SLC24A3: variants seen among roughly 807,000 people sequenced by gnomAD.
SLC24A3 encodes the protein solute carrier family 24 member 3.
SLC24A3 carries 28 observed loss-of-function variants against 75.8 expected under a neutral mutation model. The observed-to-expected ratio is 0.37, with a 90% CI of 0.27 to 0.51. The LOEUF (loss-of-function observed/expected upper bound fraction) is 0.51, where lower values mean the gene tolerates loss of function less well. Among genes scored for constraint, SLC24A3 ranks in the 20% least tolerant of loss-of-function variants. SLC24A3 has a pLI of 0.94. For missense variants in SLC24A3, 663 were observed against 847.8 expected (o/e 0.78, Z 2.71); for synonymous variants, 372 against 334.1 (o/e 1.11, Z -1.24).
chr20:19,621,108 A>C (rs545183119), intron 6 of SLC24A3, among the ~76,000 whole-genome samples: 91 of 152,308 alleles, frequency 6.0e-4, no homozygotes, highest in African/African-American at 2.1e-3. Context: ...CAGGTAACAA[A>C]AGGAGGCAAA....
At chr20:19,235,307 G>C (rs1982132669) in intron 1 of SLC24A3, among the ~76,000 whole-genome samples, 1 of 152,210 alleles carries the variant, frequency 6.6e-6, no homozygotes, top group Non-Finnish European at 1.5e-5. Context: ...GAAGTAAGGT[G>C]AGGTAGGGTG....
chr20:19,647,744 G>T (rs1600320073), intron 6 of SLC24A3, among the ~76,000 whole-genome samples: 1 of 152,212 alleles, frequency 6.6e-6, no homozygotes, highest in Admixed American at 6.5e-5. Flanking sequence ...AGGTCATTAT[G>T]AGCATCCGTG....
chr20:19,531,793 G>A (rs761684572), intron 3 of SLC24A3, among the ~76,000 whole-genome samples: 1 of 152,188 alleles, frequency 6.6e-6, no homozygotes, highest in East Asian at 1.9e-4. Context: ...AGACCACAGC[G>A]AAAAGTGAAA....
chr20:19,545,198 G>A (rs990804272), intron 3 of SLC24A3, among the ~76,000 whole-genome samples: 4 of 152,200 alleles, frequency 2.6e-5, no homozygotes, highest in African/African-American at 4.8e-5. Context: ...CACAGTGTGG[G>A]TGAGAAGGCA....
intron 6 of SLC24A3, among the ~76,000 whole-genome samples, chr20:19,645,417 C>CA (rs1331916150): frequency 1.3e-5 from 2 of 152,092 alleles, no homozygotes; most frequent in African/African-American, 2.4e-5. Context: ...TCCTGCAAGG[C>CA]TCAGCTATAT....
intron 1 of SLC24A3, among the ~76,000 whole-genome samples, chr20:19,278,793 G>A (rs1422388701): frequency 6.6e-6 from 1 of 152,140 alleles, no homozygotes; most frequent in African/African-American, 2.4e-5. Context: ...AACCTGGGGG[G>A]CTCTCCTGGA....
chr20:19,491,807 G>A (rs1285134250), intron 2 of SLC24A3, among the ~76,000 whole-genome samples: 1 of 152,206 alleles, frequency 6.6e-6, no homozygotes, highest in African/African-American at 2.4e-5. Flanking sequence ...GCCCGGGAAG[G>A]CTTCATCTTA....
intron 2 of SLC24A3, among the ~76,000 whole-genome samples, chr20:19,414,584 C>T (rs749003276): frequency 6.6e-6 from 1 of 152,058 alleles, no homozygotes; most frequent in Non-Finnish European, 1.5e-5. Flanking sequence ...TTTTCAAAAC[C>T]GTAAAGAGAC....
chr20:19,695,487 T>G (rs1391164159), intron 13 of SLC24A3: 4 of 152,226 alleles, frequency 2.6e-5, no homozygotes, highest in Admixed American at 2.0e-4. Context: ...ACTGCTTTTG[T>G]TTTTTTAAGC....
chr20:19,532,710 G>A (rs928427086), intron 3 of SLC24A3, among the ~76,000 whole-genome samples: 8 of 152,178 alleles, frequency 5.3e-5, no homozygotes, highest in African/African-American at 1.4e-4. Flanking sequence ...CACTGTGCTC[G>A]GTGTTCCACA....
intron 1 of SLC24A3, among the ~76,000 whole-genome samples, chr20:19,255,540 G>GGTCCCAGGA (rs1982788928): frequency 6.6e-6 from 1 of 152,248 alleles, no homozygotes; most frequent in Non-Finnish European, 1.5e-5. Flanking sequence ...GCCACTGGAT[G>GGTCCCAGGA]GTCCCAGGAA....
chr20:19,355,698 G>A (rs1455346444), intron 2 of SLC24A3, among the ~76,000 whole-genome samples: 1 of 152,184 alleles, frequency 6.6e-6, no homozygotes, highest in Non-Finnish European at 1.5e-5. Flanking sequence ...ACAACCTGGT[G>A]GTGAAGGAAT....
At chr20:19,267,493 A>G (rs1324321451) in intron 1 of SLC24A3, among the ~76,000 whole-genome samples, 1 of 152,238 alleles carries the variant, frequency 6.6e-6, no homozygotes, top group Admixed American at 6.5e-5. Flanking sequence ...ACATATTTCT[A>G]ATAAATTGAT....
rs2032769191 is a variant in SLC24A3, at chr20:19,693,361, T to C, written c.1427T>C (p.Phe476Ser). Residue 476 changes from phenylalanine to serine, a missense_variant, in exon 13 of 17, where the codon TTC becomes TCC. Physicochemically the swap from Phe to Ser is radical, Grantham distance 155. Around this residue, in one of 2 missense-constraint regions of SLC24A3, gnomAD observed 510 missense variants for 703.6 expected, o/e 0.72. Transcript: ENST00000328041. ...NCNKPRWEKW[F>S]MVTFASSTLW... ...AACAAGCCGCGCTGGGAGAAATGGT[T>C]CATGGTGACGTTTGCTTCCTCCACG... The C allele has an allele frequency of 6.2e-7, 1 of 1,614,180 alleles. No individual in the cohort carries two copies. The highest frequency in any genetic ancestry group is 8.5e-7 in the Non-Finnish European group (1 of 1,180,040).
chr20:19,512,376 A>C (rs970876881), intron 2 of SLC24A3, among the ~76,000 whole-genome samples: 2 of 152,192 alleles, frequency 1.3e-5, no homozygotes, highest in African/African-American at 2.4e-5. Context: ...CCGAGCCAGC[A>C]TGGGGCCCTT....
chr20:19,579,960 C>T (rs2031195758), intron 3 of SLC24A3, 40 bp from the exon 4 acceptor site: 4 of 1,500,682 alleles, frequency 2.7e-6, no homozygotes, highest in Non-Finnish European at 3.7e-6. Context: ...CTGGCTCTGC[C>T]TCACTCTAAC....
chr20:19,589,442 T>A (rs1479085431), intron 6 of SLC24A3, among the ~76,000 whole-genome samples: 1 of 152,160 alleles, frequency 6.6e-6, no homozygotes, highest in Non-Finnish European at 1.5e-5. Context: ...GAGTGGACCT[T>A]GGGGCCCAGG....
At chr20:19,378,613 A>T (rs1986127294) in intron 2 of SLC24A3, among the ~76,000 whole-genome samples, 3 of 152,150 alleles carry the variant, frequency 2.0e-5, no homozygotes, top group Admixed American at 1.3e-4. Context: ...CTTCAGTAAG[A>T]TTTAAGCCTC....
chr20:19,213,098 G>A, intron 1 of SLC24A3, 114 bp downstream of exon 1: 4 of 1,120,402 alleles, frequency 3.6e-6, no homozygotes, highest in Non-Finnish European at 4.4e-6. Context: ...GGATAAGCGG[G>A]CTGGGTTGGC....
Sources: allele counts gnomAD v4.1 joint callset (sites outside exome capture counted in the v4.1 genomes callset), GRCh38; gene constraint gnomAD v4.1.1; regional missense constraint gnomAD v4.1.1; transcripts MANE v1.5; gene names NCBI Gene and HGNC (gene_info 2026-07-23, HGNC 2026-07-21).